The following RAP1B variants were observed in gnomAD, a reference collection of about 807,000 sequenced individuals.
RAP1B encodes ras-related protein Rap-1b.
In RAP1B, 1 loss-of-function variant was observed where a neutral mutation model predicts 27.5. The ratio of observed to expected loss-of-function variants is 0.04; its 90% CI spans 0.01 to 0.17. The LOEUF is 0.17. Among genes scored for constraint, RAP1B ranks in the 10% least tolerant of loss-of-function variants. The pLI, the probability that RAP1B is intolerant of heterozygous loss-of-function variation, is 1.00. For synonymous variants in RAP1B, 75 were observed against 73.1 expected (o/e 1.03, Z -0.13); for missense variants, 84 against 214.8 (o/e 0.39, Z 3.81).
At chr12:68,625,779 G>C (rs760654729) in intron 1 of RAP1B, among the ~76,000 whole-genome samples, 1 of 152,050 alleles carries the variant, frequency 6.6e-6, no homozygotes, top group Non-Finnish European at 1.5e-5. Context: ...AAAATTAGCC[G>C]AGCGTGGTGG....
intron 1 of RAP1B, among the ~76,000 whole-genome samples, chr12:68,644,004 G>A (rs1454518009): frequency 6.6e-6 from 1 of 151,746 alleles, no homozygotes; most frequent in African/African-American, 2.4e-5. Flanking sequence ...GTACTCTTGA[G>A]GTAATGTAAT....
chr12:68,629,009 T>TTCTG (rs1283407868), intron 1 of RAP1B, among the ~76,000 whole-genome samples: 2 of 141,894 alleles, frequency 1.4e-5, no homozygotes, highest in South Asian at 5.6e-4. Context: ...TTTATTTATC[T>TTCTG]TCTATCTGTC....
chr12:68,652,949 C>G (rs967874289), intron 4 of RAP1B, among the ~76,000 whole-genome samples: 1 of 152,160 alleles, frequency 6.6e-6, no homozygotes, highest in Non-Finnish European at 1.5e-5. Context: ...TGGCTCATGC[C>G]TTGTAATCCC....
In RAP1B at chr12:68,667,629, C is replaced by G. The variant is rs890220264; in HGVS notation, c.*8380C>G. On this transcript the variant is annotated 3_prime_UTR_variant, in exon 8 of 8. Transcript: ENST00000250559. ...AGTAATGGTATAAGGAAATTGTAACCATTTGTGTGCTTTACATGTTTAAGA... is the reference window on the plus strand; with the variant it reads ...AGTAATGGTATAAGGAAATTGTAACGATTTGTGTGCTTTACATGTTTAAGA... 3 of 152,102 alleles carry G rather than the reference C, an allele frequency of 2.0e-5. No individual in the cohort carries two copies. Among genetic ancestry groups the G allele is most frequent in the African/African-American group, 7.2e-5 (3 of 41,408 alleles). 9.4% of individuals were successfully genotyped at this position (152,102 alleles called of 1,614,324 possible).
intron 3 of RAP1B, chr12:68,651,614 GT>G (rs1873819378): frequency 5.3e-6 from 1 of 188,174 alleles, no homozygotes; most frequent in African/African-American, 2.3e-5. Context: ...TATATCTAAA[GT>G]ATCATGGGAG....
rs1475589943 is a variant in RAP1B, at chr12:68,669,118, C to A, written c.*9869C>A. The A allele has an allele frequency of 6.6e-6, 1 of 151,902 alleles. No homozygotes were observed. Among genetic ancestry groups the A allele is most frequent in the Non-Finnish European group, 1.5e-5 (1 of 67,998 alleles). 9.4% of individuals were successfully genotyped at this position (151,902 alleles called of 1,614,324 possible). On this transcript the variant is annotated 3_prime_UTR_variant, in exon 8 of 8. Transcript: ENST00000250559. ...CTTGGCTGGATATAAGATAAGCATG[C>A]CAAAAATCAATAGCTTTTCTTTATA...
chr12:68,656,361 G>C lies in RAP1B; in HGVS notation c.380G>C (p.Gly127Ala). 1 of 1,608,424 alleles carries C rather than the reference G, an allele frequency of 6.2e-7. No individual in the cohort carries two copies. Among genetic ancestry groups the C allele is most frequent in the Non-Finnish European group, 8.5e-7 (1 of 1,175,090 alleles). ...KCDLEDERVV[G>A]KEQGQNLARQ... ...GACTTGGAAGATGAAAGAGTTGTAG[G>C]GAAGGAACAAGGTCAAAATCTAGCA... The change falls in exon 6 of 8, where the codon GGG becomes GCG. Residue 127 changes from glycine to alanine, a missense_variant. Physicochemically the swap from Gly to Ala is moderately conservative, Grantham distance 60 (BLOSUM62 0). Coordinates refer to ENST00000250559, the MANE Select transcript of RAP1B (RefSeq NM_001010942.3).
intron 7 of RAP1B, 189 bp downstream of exon 7, chr12:68,657,406 A>AT: frequency 2.5e-6 from 1 of 404,300 alleles, no homozygotes; most frequent in Non-Finnish European, 4.5e-6. Context: ...AGTATTTCAC[A>AT]TAAGTATTCT....
Position 68,627,151 on chromosome 12 carries a change from G to C in RAP1B, c.-27+16108G>C, listed in dbSNP as rs1214502047. 1.9e-6 allele frequency: 3 copies of C among 1,571,296 alleles called. No homozygotes were observed. In the East Asian group the frequency reaches 6.7e-5, roughly 35 times the overall value. On this transcript the variant is annotated intron_variant, in intron 1 of 7. Transcript: ENST00000250559. ...TGAACCCTGGCCACAGTGCCCTGGGGCTTCCCAAAGGCACCTCGCATGCCT... is the reference window on the plus strand; with the variant it reads ...TGAACCCTGGCCACAGTGCCCTGGGCCTTCCCAAAGGCACCTCGCATGCCT...
chr12:68,662,174 A>G lies in RAP1B; in HGVS notation c.*2925A>G, dbSNP rs963099166. On this transcript the variant is annotated 3_prime_UTR_variant, in exon 8 of 8. Transcript: ENST00000250559. ...TTGGCAAAAAGCACCATTTTCTCCT[A>G]TACAAAATAGTAACTGCAGTTTGGG... is the stretch of plus-strand genomic sequence containing the variant. 3 of 151,426 alleles carry G rather than the reference A, an allele frequency of 2.0e-5. No homozygotes were observed. The highest frequency in any genetic ancestry group is 2.9e-5 in the Non-Finnish European group (2 of 67,878). 9.4% of individuals were successfully genotyped at this position (151,426 alleles called of 1,614,324 possible). A position where few individuals can be genotyped will look rare whatever the true frequency, so the allele number is the denominator to read the frequency against.
chr12:68,642,870 A>C, intron 1 of RAP1B: 1 of 992,920 alleles, frequency 1.0e-6, no homozygotes, highest in Middle Eastern at 3.1e-4. Flanking sequence ...AAAGCAGCCA[A>C]CCTGGAGGTG....
chr12:68,629,707 A>G (rs557204152), intron 1 of RAP1B, among the ~76,000 whole-genome samples: 6 of 152,108 alleles, frequency 3.9e-5, no homozygotes, highest in South Asian at 2.1e-4. Flanking sequence ...AAACAACTCA[A>G]TCTGTTAACT....
Position 68,654,205 on chromosome 12 carries a change from T to C in RAP1B, c.277T>C (p.Leu93=). 3 of 1,604,024 alleles carry C rather than the reference T, an allele frequency of 1.9e-6. No individual in the cohort carries two copies. Among genetic ancestry groups the C allele is most frequent in the Non-Finnish European group, 2.6e-6 (3 of 1,171,680 alleles). The part of the protein sequence containing the change: ...SITAQSTFND[L]QDLREQILRV... ...CACAGCACAGTCCACATTTAACGAT[T>C]TACAAGACCTGAGAGAACAGATTCT... The change falls in exon 5 of 8, where the codon TTA becomes CTA. Residue 93 remains leucine (L), a synonymous_variant. Coordinates refer to ENST00000250559, the MANE Select transcript of RAP1B (RefSeq NM_001010942.3).
chr12:68,642,509 C>T (rs982804180), intron 1 of RAP1B: 44 of 953,814 alleles, frequency 4.6e-5, no homozygotes, highest in Non-Finnish European at 6.9e-5. Context: ...CTCCTGGACT[C>T]AATTTTATAA....
chr12:68,637,286 G>A (rs551632016), intron 1 of RAP1B, among the ~76,000 whole-genome samples: 4 of 152,114 alleles, frequency 2.6e-5, no homozygotes, highest in East Asian at 3.9e-4. Flanking sequence ...ATTGTTGTCC[G>A]TATTTCACAG....
intron 1 of RAP1B, chr12:68,641,170 T>C (rs1315451240): frequency 6.6e-6 from 1 of 152,246 alleles, no homozygotes; most frequent in Non-Finnish European, 1.5e-5. Flanking sequence ...GCCACTACAC[T>C]TGGCTAATTT....
intron 1 of RAP1B, among the ~76,000 whole-genome samples, chr12:68,614,849 T>C (rs1447855890): frequency 1.3e-5 from 2 of 152,210 alleles, no homozygotes; most frequent in African/African-American, 4.8e-5. Context: ...AGGTACTAAT[T>C]GCCATTTGAG....
chr12:68,659,868 A>G lies in RAP1B; in HGVS notation c.*619A>G, dbSNP rs1455510065. The G allele has an allele frequency of 2.6e-4, 39 of 152,198 alleles. No homozygotes were observed. The highest frequency in any genetic ancestry group is 2.5e-3 in the Admixed American group (38 of 15,222). 9.4% of individuals were successfully genotyped at this position (152,198 alleles called of 1,614,324 possible). ...TAGTCCTTTCAGTATAATGTCTTAG[A>G]TTAAAGACGTTGCCTTTAATATCTG... On this transcript the variant is annotated 3_prime_UTR_variant, in exon 8 of 8. Coordinates refer to ENST00000250559, the MANE Select transcript of RAP1B (RefSeq NM_001010942.3).
chr12:68,628,948 C>T (rs1306890512), intron 1 of RAP1B, among the ~76,000 whole-genome samples: 2 of 152,158 alleles, frequency 1.3e-5, no homozygotes, highest in Admixed American at 6.5e-5. Context: ...TGTGGTTCTG[C>T]AACCTCAGGT....
Sources: gnomAD v4.1 joint callset for allele counts (sites outside exome capture counted in the v4.1 genomes callset) on GRCh38, gnomAD v4.1.1 for gene constraint, MANE v1.5 for transcripts, NCBI Gene and HGNC (gene_info 2026-07-23, HGNC 2026-07-21) for gene names.